Variants in PSCA observed in about 807,000 individuals in gnomAD.
PSCA encodes the protein prostate stem cell antigen.
PSCA carries 7 observed loss-of-function variants against 7.9 expected under a neutral mutation model. The observed-to-expected ratio is 0.89, with a 90% confidence interval of 0.51 to 1.67. PSCA has a LOEUF of 1.67. Among genes scored for constraint, PSCA ranks in the 40% most tolerant of loss-of-function variants. The probability of loss-of-function intolerance (pLI) is 0.00; values close to 1 mark genes in which losing one functional copy is unlikely to be tolerated. For synonymous variants in PSCA, 61 were observed against 68.3 expected (o/e 0.89, Z 0.53); for missense variants, 151 against 147.9 (o/e 1.02, Z -0.11).
chr8:142,671,956 C>T (rs1273701463), intron 1 of PSCA, among the ~76,000 whole-genome samples: 1 of 152,038 alleles, frequency 6.6e-6, no homozygotes, highest in Non-Finnish European at 1.5e-5. Flanking sequence ...TTTTGTTCAA[C>T]CAGTCCCCAC....
rs1448741049 is a variant in PSCA at position 142,682,099 on chromosome 8, C to T, written c.312C>T (p.Leu104=). ...AAAILALLPA[L]GLLLWGPGQL is the part of the protein sequence containing the mutation. ...CCATCCTTGCGCTGCTCCCTGCACT[C>T]GGCCTGCTGCTCTGGGGACCCGGCC... The change falls in exon 3 of 3, where the codon CTC becomes CTT. Residue 104 remains leucine (L), a synonymous_variant. Coordinates refer to ENST00000301258, the MANE Select transcript of PSCA (RefSeq NM_005672.5). 10 of 1,603,986 alleles carry T rather than the reference C, an allele frequency of 6.2e-6. No individual in the cohort carries two copies. Among genetic ancestry groups the T allele is most frequent in the African/African-American group, 1.3e-5 (1 of 74,926 alleles).
chr8:142,679,726 G>C (rs2920280), upstream of PSCA, among the ~76,000 whole-genome samples: 56,656 of 152,146 alleles, frequency 0.37, 11,554 homozygotes, highest in Admixed American at 0.48. Context: ...TGGGTTATAC[G>C]GGGTTGTGGA....
rs1004794190 is a variant in PSCA, at chr8:142,673,620, G to A, written n.261+3052G>A. Among the ~76,000 whole-genome samples, 5 of 152,136 alleles carry A rather than the reference G, an allele frequency of 3.3e-5. No homozygotes were observed. The highest frequency in any genetic ancestry group is 7.2e-5 in the African/African-American group (3 of 41,420). On this transcript the variant is annotated intron_variant and non_coding_transcript_variant, in intron 1 of 1. Transcript: ENST00000505305. This position sits in a 1 kb window ranked among gnomAD's most constrained non-coding sequence, Gnocchi z 4.6. ...CTCAAATCAGCCTCTCAGAAAATTC[G>A]GACGCTAGGGTTTTTCAAGGAGAGT...
At chr8:142,675,467 T>TG (rs201198354), upstream of PSCA, among the ~76,000 whole-genome samples, 1 of 152,060 alleles carries the variant, frequency 6.6e-6, no homozygotes, top group Non-Finnish European at 1.5e-5. Flanking sequence ...TGGGTGGGCT[T>TG]GGGGAAGAAC....
In PSCA at chr8:142,681,919, A is replaced by C. The variant is rs1554638403; in HGVS notation, c.134-2A>C. On this transcript the variant is annotated splice_acceptor_variant, in intron 2 of 2. Transcript: ENST00000301258. LOFTEE classifies it high-confidence loss of function. ...CCATCCCCGGATCCCGCTGCTCCCC[A>C]GGCGCAGTTGGCCTCCTGACCGTCA... 1 of 1,527,896 alleles carries C rather than the reference A, an allele frequency of 6.5e-7. No homozygotes were observed. The highest frequency in any genetic ancestry group is 1.4e-5 in the African/African-American group (1 of 73,264). The allele number at this position is 1,527,896 out of a possible 1,614,324, so 94.6% of individuals were successfully genotyped here.
rs1474861720 is a variant in PSCA, at chr8:142,680,555, T to C, written c.17T>C (p.Leu6Pro). Residue 6 changes from leucine to proline, a missense_variant, in exon 1 of 3, where the codon CTG becomes CCG. By Grantham distance (98) the Leu-to-Pro change is moderately conservative. Transcript: ENST00000301258. ...GCCCTGTTGATGGCAGGCTTGGCCCTGCAGCCAGGTGAGGCCTTGGCTGGC... is the reference window on the plus strand; with the variant it reads ...GCCCTGTTGATGGCAGGCTTGGCCCCGCAGCCAGGTGAGGCCTTGGCTGGC... The part of the protein sequence containing the change: MAGLA[L>P]QPGTALLCYS... The C allele has an allele frequency of 6.4e-7, 1 of 1,554,034 alleles. No homozygotes were observed. Among genetic ancestry groups the C allele is most frequent in the Non-Finnish European group, 8.7e-7 (1 of 1,148,324 alleles).
At chr8:142,680,296 G>A, upstream of PSCA, 1 of 554,046 alleles carries the variant, frequency 1.8e-6, no homozygotes, top group Non-Finnish European at 3.3e-6. Context: ...GCTGAGATAT[G>A]GCCCTGGGTA....
chr8:142,680,887 G>A lies in PSCA; in HGVS notation c.25+324G>A, dbSNP rs76720884. On this transcript the variant is annotated intron_variant, in intron 1 of 2. Coordinates refer to ENST00000301258, the MANE Select transcript of PSCA (RefSeq NM_005672.5). ...TGGGCAGAGATGCTGATGAGGAGCT[G>A]GGAGACATGGGACAGGAAGCCTCAG... 1,595 of 537,258 alleles carry A rather than the reference G, an allele frequency of 3.0e-3. 22 individuals carry two copies. The highest frequency in any genetic ancestry group is 0.026 in the African/African-American group (1,386 of 53,036). 33.3% of individuals were successfully genotyped at this position (537,258 alleles called of 1,614,324 possible). A position where few individuals can be genotyped will look rare whatever the true frequency, so the allele number is the denominator to read the frequency against.
At chr8:142,680,280 G>A (rs1335043866), upstream of PSCA, 10 of 538,936 alleles carry the variant, frequency 1.9e-5, no homozygotes, top group African/African-American at 5.7e-5. Flanking sequence ...CCCTCAGCCC[G>A]GGGTGGCTGA....
chr8:142,673,846 T>C lies in PSCA; in HGVS notation n.261+3278T>C, dbSNP rs900284742. On this transcript the variant is annotated intron_variant and non_coding_transcript_variant, in intron 1 of 1. Transcript: ENST00000505305. The surrounding 1 kb of genome is among the most constrained non-coding windows in gnomAD (Gnocchi z 4.6). ...GCCAATCTTAGGATCACAATAGTGA[T>C]GTTACTTGCAGGAGTAATTGGGGGA... 1.3e-5 allele frequency among the ~76,000 whole-genome samples: 2 copies of C among 152,264 alleles called. No homozygotes were observed. Among genetic ancestry groups the C allele is most frequent in the Admixed American group, 6.5e-5 (1 of 15,292 alleles).
chr8:142,672,168 G>A (rs1182358334), intron 1 of PSCA, among the ~76,000 whole-genome samples: 1 of 152,006 alleles, frequency 6.6e-6, no homozygotes, highest in African/African-American at 2.4e-5. Flanking sequence ...AGCTCACCTT[G>A]CTATTCACTC....
In PSCA at chr8:142,680,972, G is replaced by A. The variant is rs2294009; in HGVS notation, c.26-355G>A. On this transcript the variant is annotated intron_variant, in intron 1 of 2. Coordinates refer to ENST00000301258, the MANE Select transcript of PSCA (RefSeq NM_005672.5). ...TGCTGGGGGTGTCCTGCGAGGACCC[G>A]GGGGTCTACATCCGGCCCAGTCCCA... 4.1e-3 allele frequency: 1,816 copies of A among 446,394 alleles called. 23 individuals carry two copies. The highest frequency in any genetic ancestry group is 0.022 in the African/African-American group (1,147 of 51,340). The allele number at this position is 446,394 out of a possible 1,614,324, so 27.7% of individuals were successfully genotyped here.
At chr8:142,681,793 T>C in intron 2 of PSCA, 128 bp from the exon 3 acceptor site, 1 of 714,932 alleles carries the variant, frequency 1.4e-6, no homozygotes, top group Non-Finnish European at 2.3e-6. Flanking sequence ...CTCGCACTGC[T>C]TGCAATCCTG....
chr8:142,680,230 A>T, upstream of PSCA: 1 of 441,414 alleles, frequency 2.3e-6, no homozygotes, highest in Non-Finnish European at 4.2e-6. Context: ...GAGGTGGGGG[A>T]GGTGGGAGAG....
intron 1 of PSCA, among the ~76,000 whole-genome samples, chr8:142,671,831 C>T (rs1339734862): frequency 6.6e-6 from 1 of 152,200 alleles, no homozygotes; most frequent in Non-Finnish European, 1.5e-5. Context: ...TGTGCCAGCT[C>T]ACTCATCCTT....
chr8:142,677,689 T>G (rs1847414843), upstream of PSCA, among the ~76,000 whole-genome samples: 1 of 151,832 alleles, frequency 6.6e-6, no homozygotes, highest in Non-Finnish European at 1.5e-5. Context: ...AGGCCCCTTG[T>G]CCTGAGCTTA....
intron 1 of PSCA, among the ~76,000 whole-genome samples, chr8:142,671,835 C>G (rs1847334145): frequency 6.6e-6 from 1 of 152,210 alleles, no homozygotes; most frequent in Non-Finnish European, 1.5e-5. Flanking sequence ...CCAGCTCACT[C>G]ATCCTTAGGT....
At chr8:142,672,747 C>T (rs2129853019) in intron 1 of PSCA, among the ~76,000 whole-genome samples, 1 of 152,336 alleles carries the variant, frequency 6.6e-6, no homozygotes, top group South Asian at 2.1e-4. Flanking sequence ...GCAGCCCTCT[C>T]TTTCGAAAGA....
At chr8:142,681,769 G>A in intron 2 of PSCA, 152 bp from the exon 3 acceptor site, 1 of 640,230 alleles carries the variant, frequency 1.6e-6, no homozygotes, top group Non-Finnish European at 2.7e-6. Flanking sequence ...TGAGACCAGG[G>A]CCGAGACCAG....
Sources: allele counts gnomAD v4.1 joint callset (sites outside exome capture counted in the v4.1 genomes callset), GRCh38; gene constraint gnomAD v4.1.1; non-coding constraint Gnocchi (gnomAD v3.1); transcripts MANE v1.5; gene names NCBI Gene and HGNC (gene_info 2026-07-23, HGNC 2026-07-21).